The following MYOM1 variants were observed in gnomAD, a reference collection of about 807,000 sequenced individuals.
The protein encoded by MYOM1 is myomesin-1.
Under a neutral mutation model 205.3 loss-of-function variants are expected in MYOM1, and 164 were observed. The ratio of observed to expected loss-of-function variants is 0.80; its 90% CI spans 0.70 to 0.91. MYOM1 has a LOEUF of 0.91. MYOM1 is among the 40% of genes least tolerant of loss of function. MYOM1 has a pLI of 0.00. For missense variants in MYOM1, 2,011 were observed against 2,127.3 expected (o/e 0.95, Z 1.08); for synonymous variants, 772 against 789.4 (o/e 0.98, Z 0.37).
At chr18:3,168,275 G>T (rs2080501385) in intron 9 of MYOM1, among the ~76,000 whole-genome samples, 1 of 148,880 alleles carries the variant, frequency 6.7e-6, no homozygotes, top group South Asian at 2.2e-4. Flanking sequence ...TTTACCAAAT[G>T]GATTAACTTA....
At position 3,067,096 on chromosome 18, in the gene MYOM1, A is replaced by T; in HGVS notation, c.*166T>A. 1 of 683,212 alleles carries T rather than the reference A, an allele frequency of 1.5e-6. No individual in the cohort carries two copies. Among genetic ancestry groups the T allele is most frequent in the South Asian group, 2.1e-5 (1 of 46,822 alleles). The allele number at this position is 683,212 out of a possible 1,614,324, so 42.3% of individuals were successfully genotyped here. A position where few individuals can be genotyped will look rare whatever the true frequency, so the allele number is the denominator to read the frequency against. On this transcript the variant is annotated 3_prime_UTR_variant, in exon 38 of 38. Coordinates refer to ENST00000356443, the MANE Select transcript of MYOM1 (RefSeq NM_003803.4). ...ATTTTGTAGATAAAGAAAAACAATT[A>T]AAGTGTCATTAGTTGGTGCTTTTTT...
At chr18:3,206,493 C>T (rs906504978) in intron 2 of MYOM1, among the ~76,000 whole-genome samples, 1 of 152,182 alleles carries the variant, frequency 6.6e-6, no homozygotes, top group African/African-American at 2.4e-5. Context: ...TGTGCAGAGT[C>T]GCTGGGAATT....
upstream of MYOM1, among the ~76,000 whole-genome samples, chr18:3,220,432 C>T (rs551914078): frequency 2.0e-5 from 3 of 152,324 alleles, no homozygotes; most frequent in South Asian, 6.2e-4. Context: ...TGCCTGACAT[C>T]ACGGTCACTA....
Position 3,135,576 on chromosome 18 carries a change from G to A in MYOM1, c.2180C>T (p.Thr727Met), listed in dbSNP as rs766680309. ...TTTGTCCCCTACCACAGTCACCTCC[G>A]TTGCCTCTGAGGGCTCACCAACTCC... ...SAGVGEPSEA[T>M]EVTVVGDKLD... Residue 727 changes from threonine to methionine, a missense_variant, in exon 15 of 38, where the codon ACG (threonine) becomes ATG (methionine). Coordinates refer to ENST00000356443, the MANE Select transcript of MYOM1 (RefSeq NM_003803.4). This position sits in a 1 kb window ranked among gnomAD's most constrained non-coding sequence, Gnocchi z 4.1. The A allele has an allele frequency of 9.9e-6, 16 of 1,613,428 alleles. No individual in the cohort carries two copies. In the Admixed American group the frequency reaches 1.2e-4, roughly 12 times the overall value.
At chr18:3,096,702 C>T (rs924825367) in intron 25 of MYOM1, among the ~76,000 whole-genome samples, 1 of 152,154 alleles carries the variant, frequency 6.6e-6, no homozygotes, top group Non-Finnish European at 1.5e-5. Flanking sequence ...GTGCTTGCCT[C>T]CCCACATATA....
At position 3,131,575 on chromosome 18, in the gene MYOM1, C is replaced by A. The variant is rs142990190; in HGVS notation, c.2385-79G>T. 852 of 1,272,406 alleles carry A rather than the reference C, an allele frequency of 6.7e-4. No individual in the cohort carries two copies. The African/African-American group carries it at 0.011, about 16-fold the overall frequency. The allele number at this position is 1,272,406 out of a possible 1,614,324, so 78.8% of individuals were successfully genotyped here. The stretch of plus-strand genomic sequence containing the variant: ...TGATTGTTAGCTTAATGGAGTGGAT[C>A]TGGCTTTATGAAAACAATTCTTTTT... On this transcript the variant is annotated intron_variant, in intron 16 of 37. Coordinates refer to ENST00000356443, the MANE Select transcript of MYOM1 (RefSeq NM_003803.4).
chr18:3,174,583 T>G (rs2080608606), intron 6 of MYOM1, among the ~76,000 whole-genome samples: 1 of 151,994 alleles, frequency 6.6e-6, no homozygotes. Flanking sequence ...GAGGAGAAAA[T>G]GTGCAGGCGT....
chr18:3,236,181 G>C, the MYOM1 span, among the ~76,000 whole-genome samples: 2 of 152,298 alleles, frequency 1.3e-5, no homozygotes, highest in East Asian at 3.9e-4. Flanking sequence ...CTTCACCATG[G>C]AGGGTGTCAG....
rs944652161 is a variant in MYOM1 at position 3,169,399 on chromosome 18, G to A, written c.1175-418C>T. ...CATATCCATTATTCATAAAAATGGCGTTTTTCATCTGACAAGGGATTAATA... is the reference window on the plus strand; with the variant it reads ...CATATCCATTATTCATAAAAATGGCATTTTTCATCTGACAAGGGATTAATA... On this transcript the variant is annotated intron_variant, in intron 8 of 37. Transcript: ENST00000356443. 7.2e-5 allele frequency among the ~76,000 whole-genome samples: 11 copies of A among 152,202 alleles called. No homozygotes were observed. In the East Asian group the frequency reaches 7.7e-4, roughly 11 times the overall value.
chr18:3,166,720 C>T (rs2080477927), intron 9 of MYOM1, among the ~76,000 whole-genome samples: 1 of 152,010 alleles, frequency 6.6e-6, no homozygotes, highest in Admixed American at 6.6e-5. Flanking sequence ...TAATAAAGGA[C>T]CTTATAGGAC....
At chr18:3,223,748 T>C (rs2144287654), upstream of MYOM1, among the ~76,000 whole-genome samples, 1 of 152,356 alleles carries the variant, frequency 6.6e-6, no homozygotes, top group South Asian at 2.1e-4. Flanking sequence ...AAAACTCTGC[T>C]TCTACCTGCT....
At chr18:3,075,039 C>T (rs548448878) in intron 36 of MYOM1, among the ~76,000 whole-genome samples, 17 of 152,320 alleles carry the variant, frequency 1.1e-4, no homozygotes, top group African/African-American at 4.1e-4. Flanking sequence ...AGGTGATCCG[C>T]CCACCTCGGC....
intron 10 of MYOM1, among the ~76,000 whole-genome samples, chr18:3,155,433 C>T (rs529054773): frequency 2.0e-4 from 30 of 152,304 alleles, no homozygotes; most frequent in East Asian, 1.9e-3. Flanking sequence ...ACCGTGTTAG[C>T]CAGGATGGTC....
At chr18:3,187,298 GTT>G (rs1176398911) in intron 5 of MYOM1, among the ~76,000 whole-genome samples, 180 bp downstream of exon 5, 5 of 152,200 alleles carry the variant, frequency 3.3e-5, no homozygotes, top group Non-Finnish European at 7.4e-5. Flanking sequence ...ATGCAAGACT[GTT>G]TTTTCTTCCC....
At position 3,099,551 on chromosome 18, in the gene MYOM1, C is replaced by T. The variant is rs147231793; in HGVS notation, c.3727+608G>A. ...AATGGCAAGAGATCCCCCCATCTGG[C>T]CAGTGGAACCTTCCAAGGGTCATTT... On this transcript the variant is annotated intron_variant, in intron 25 of 37. Transcript: ENST00000356443. 5.0e-3 allele frequency among the ~76,000 whole-genome samples: 769 copies of T among 152,302 alleles called. 5 individuals carry two copies. Among genetic ancestry groups the T allele is most frequent in the African/African-American group, 0.018 (737 of 41,566 alleles).
Position 3,205,685 on chromosome 18 carries a change from T to A in MYOM1, c.290+9249A>T, listed in dbSNP as rs575186656. Among the ~76,000 whole-genome samples the A allele has an allele frequency of 1.1e-3, 175 of 152,272 alleles. 1 individual carries two copies. The highest frequency in any genetic ancestry group is 0.011 in the Admixed American group (166 of 15,294). ...TTTCTTATAGAGTTAAATGTAAACT[T>A]AGCATACAACCCAGCTGGTATTTCA... is the stretch of plus-strand genomic sequence containing the variant. On this transcript the variant is annotated intron_variant, in intron 2 of 37. Transcript: ENST00000356443.
At chr18:3,113,545 C>A (rs897230678) in intron 21 of MYOM1, among the ~76,000 whole-genome samples, 3 of 152,010 alleles carry the variant, frequency 2.0e-5, no homozygotes, top group African/African-American at 7.3e-5. Context: ...GTTGCCCAGG[C>A]TGGTCTCAAA....
intron 34 of MYOM1, among the ~76,000 whole-genome samples, chr18:3,078,855 A>G (rs886813768): frequency 2.0e-5 from 3 of 152,044 alleles, no homozygotes; most frequent in Non-Finnish European, 4.4e-5. Flanking sequence ...TTATTTTTAT[A>G]GAGATGGGGT....
rs140968895 is a variant in MYOM1 at position 3,178,330 on chromosome 18, G to A, written c.930-2196C>T. 1.1e-3 allele frequency among the ~76,000 whole-genome samples: 166 copies of A among 152,314 alleles called. 1 individual carries two copies. Among genetic ancestry groups the A allele is most frequent in the African/African-American group, 3.7e-3 (154 of 41,570 alleles). ...TTCCAGATGAAGAAACCAAGGCATG[G>A]GGGTTTCAGGAACTTGCCCAGTCAC... On this transcript the variant is annotated intron_variant, in intron 5 of 37. Transcript: ENST00000356443.
Sources: gnomAD v4.1 joint callset for allele counts (sites outside exome capture counted in the v4.1 genomes callset) on GRCh38, gnomAD v4.1.1 for gene constraint, Gnocchi (gnomAD v3.1) non-coding constraint, MANE v1.5 for transcripts, NCBI Gene and HGNC (gene_info 2026-07-23, HGNC 2026-07-21) for gene names.